The following PTPRN2 variants were observed in gnomAD, a reference collection of about 807,000 sequenced individuals.
The protein encoded by PTPRN2 is receptor-type tyrosine-protein phosphatase N2.
PTPRN2 carries 74 observed loss-of-function variants against 118.8 expected under a neutral mutation model. The observed-to-expected ratio is 0.62, with a 90% CI of 0.52 to 0.76. The LOEUF (loss-of-function observed/expected upper bound fraction) is 0.76. Ranked by LOEUF, PTPRN2 falls within the 30% of genes least tolerant of loss-of-function variation. The probability of loss-of-function intolerance (pLI) is 0.00; values close to 1 mark genes in which losing one functional copy is unlikely to be tolerated. For missense variants in PTPRN2, 1,481 were observed against 1,394.4 expected (o/e 1.06, Z -0.99); for synonymous variants, 641 against 608.0 (o/e 1.05, Z -0.80).
At chr7:158,410,984 A>AGACACAGGGAAGGG (rs1814029531) in intron 2 of PTPRN2, among the ~76,000 whole-genome samples, 4 of 152,182 alleles carry the variant, frequency 2.6e-5, no homozygotes, top group African/African-American at 7.2e-5. Context: ...CCAGACATGG[A>AGACACAGGGAAGGG]GCGTGAGTAG....
At chr7:157,542,656 GCA>G (rs1798068984) in intron 22 of PTPRN2, among the ~76,000 whole-genome samples, 1 of 152,212 alleles carries the variant, frequency 6.6e-6, no homozygotes, top group African/African-American at 2.4e-5. Context: ...TTCCAACACT[GCA>G]CAGTCACCGG....
intron 13 of PTPRN2, among the ~76,000 whole-genome samples, chr7:157,682,085 C>T (rs1364114936): frequency 3.3e-5 from 5 of 152,188 alleles, no homozygotes; most frequent in African/African-American, 7.2e-5. Context: ...ACGAAATGTG[C>T]GCCATAGAAC....
chr7:157,769,025 A>T lies in PTPRN2; in HGVS notation c.1789-86088T>A, dbSNP rs189498770. ...TCAGGTTGCACGTGCCAGTCAGCATAAAAATATGGCCGTAATGTTGGCATA... is the reference window on the plus strand; with the variant it reads ...TCAGGTTGCACGTGCCAGTCAGCATTAAAATATGGCCGTAATGTTGGCATA... On this transcript the variant is annotated intron_variant, in intron 12 of 22. Transcript: ENST00000389418. Among the ~76,000 whole-genome samples, 233 of 152,310 alleles carry T rather than the reference A, an allele frequency of 1.5e-3. 1 individual carries two copies. The highest frequency in any genetic ancestry group is 5.4e-3 in the African/African-American group (225 of 41,564).
intron 2 of PTPRN2, among the ~76,000 whole-genome samples, chr7:158,453,435 C>T (rs1414112379): frequency 7.1e-6 from 1 of 141,036 alleles, no homozygotes; most frequent in African/African-American, 2.6e-5. Flanking sequence ...TTGGCTAACA[C>T]AGCCTGGACA....
intron 11 of PTPRN2, among the ~76,000 whole-genome samples, chr7:158,042,358 G>A (rs948901656): frequency 3.3e-5 from 5 of 152,136 alleles, no homozygotes; most frequent in Admixed American, 1.3e-4. Flanking sequence ...ATGGTGAGCC[G>A]CTTCGGAGCA....
chr7:158,469,755 T>C (rs1324708294), intron 2 of PTPRN2, among the ~76,000 whole-genome samples: 7 of 120,234 alleles, frequency 5.8e-5, no homozygotes, highest in Non-Finnish European at 1.2e-4. Context: ...AAAAAAAAAA[T>C]GCAAAGAATT....
chr7:158,504,875 T>A (rs1822631134), intron 1 of PTPRN2, among the ~76,000 whole-genome samples: 1 of 152,254 alleles, frequency 6.6e-6, no homozygotes, highest in South Asian at 2.1e-4. Flanking sequence ...GAGAGATCTC[T>A]GATTTTTTCC....
chr7:158,372,392 A>G lies in PTPRN2; in HGVS notation c.164-55460T>C, dbSNP rs576680353. ...CTGGACCCCAGAGCTGGCCTCCCCA[A>G]TGCTGGTCCCCAGAGCTGGTCCCCC... is the stretch of plus-strand genomic sequence containing the variant. On this transcript the variant is annotated intron_variant, in intron 2 of 22. Transcript: ENST00000389418. 2.9e-4 allele frequency among the ~76,000 whole-genome samples: 39 copies of G among 132,508 alleles called. 1 individual carries two copies. Among genetic ancestry groups the G allele is most frequent in the African/African-American group, 8.9e-4 (30 of 33,580 alleles). The allele number at this position is 132,508 out of a possible 152,430, so 86.9% of individuals were successfully genotyped here. A position where few individuals can be genotyped will look rare whatever the true frequency, so the allele number is the denominator to read the frequency against.
At chr7:157,543,929 C>T (rs1240359236) in intron 22 of PTPRN2, among the ~76,000 whole-genome samples, 2 of 151,918 alleles carry the variant, frequency 1.3e-5, no homozygotes, top group South Asian at 2.1e-4. Flanking sequence ...TACACCAGGG[C>T]GGAGGGACAG....
intron 12 of PTPRN2, among the ~76,000 whole-genome samples, chr7:157,823,408 G>A (rs977080220): frequency 3.3e-5 from 5 of 152,238 alleles, no homozygotes; most frequent in Non-Finnish European, 5.9e-5. Flanking sequence ...ACTTGACAAT[G>A]AGCGTCCGTA....
intron 3 of PTPRN2, among the ~76,000 whole-genome samples, chr7:158,289,875 C>A (rs1489387446): frequency 6.6e-6 from 1 of 152,244 alleles, no homozygotes; most frequent in Admixed American, 6.5e-5. Flanking sequence ...ATCTGGCATG[C>A]TCCATAGGTA....
At position 157,603,797 on chromosome 7, in the gene PTPRN2, C is replaced by T. The variant is rs1313503466; in HGVS notation, c.2418+205G>A. The stretch of plus-strand genomic sequence containing the variant: ...ACGGAACCCACCGCCCAGCGTGAGC[C>T]GGGACCCACACGGCTCATAAACAGC... On this transcript the variant is annotated intron_variant, in intron 16 of 22. Transcript: ENST00000389418. The surrounding 1 kb of genome is among the most constrained non-coding windows in gnomAD (Gnocchi z 5.4). 1.3e-5 allele frequency among the ~76,000 whole-genome samples: 2 copies of T among 152,162 alleles called. No homozygotes were observed. Among genetic ancestry groups the T allele is most frequent in the Non-Finnish European group, 2.9e-5 (2 of 68,028 alleles).
intron 3 of PTPRN2, among the ~76,000 whole-genome samples, chr7:158,239,059 G>A (rs939947707): frequency 6.6e-6 from 1 of 152,194 alleles, no homozygotes; most frequent in African/African-American, 2.4e-5. Context: ...TGCCACCCGA[G>A]CCTGGTGTTT....
chr7:157,921,821 C>T (rs1798706869), intron 11 of PTPRN2, among the ~76,000 whole-genome samples: 2 of 152,152 alleles, frequency 1.3e-5, no homozygotes, highest in Non-Finnish European at 2.9e-5. Flanking sequence ...TTTATTATAG[C>T]AACAAAAATC....
chr7:158,406,094 A>C (rs55639857), intron 2 of PTPRN2, among the ~76,000 whole-genome samples: 5,808 of 54,980 alleles, frequency 0.11, 261 homozygotes, highest in Non-Finnish European at 0.14. Flanking sequence ...TCCATGAGAC[A>C]CGTGGCCGCA....
chr7:158,364,674 C>T (rs1477015599), intron 2 of PTPRN2, among the ~76,000 whole-genome samples: 1 of 152,146 alleles, frequency 6.6e-6, no homozygotes, highest in African/African-American at 2.4e-5. Context: ...CCCCAGATCC[C>T]GGGAGTTTTG....
At chr7:158,226,847 G>C (rs1324852442) in intron 3 of PTPRN2, among the ~76,000 whole-genome samples, 1 of 151,938 alleles carries the variant, frequency 6.6e-6, no homozygotes, top group Non-Finnish European at 1.5e-5. Context: ...TAAAATTTCT[G>C]GCTGCAACAC....
At chr7:158,145,058 C>A (rs1819781238) in intron 6 of PTPRN2, among the ~76,000 whole-genome samples, 1 of 149,698 alleles carries the variant, frequency 6.7e-6, no homozygotes, top group Admixed American at 6.6e-5. Flanking sequence ...GCAAGGTTTC[C>A]CTCACATCAT....
chr7:158,071,026 AG>A, intron 11 of PTPRN2, among the ~76,000 whole-genome samples: 1 of 36,476 alleles, frequency 2.7e-5, no homozygotes, highest in Non-Finnish European at 4.7e-5. Context: ...CTCGTGGTGG[AG>A]GTGCTCTTAG....
Sources: gnomAD v4.1 joint callset for allele counts (sites outside exome capture counted in the v4.1 genomes callset) on GRCh38, gnomAD v4.1.1 for gene constraint, Gnocchi (gnomAD v3.1) non-coding constraint, MANE v1.5 for transcripts, NCBI Gene and HGNC (gene_info 2026-07-23, HGNC 2026-07-21) for gene names.